The following SPDYE14 variants were observed in gnomAD, a reference collection of about 807,000 sequenced individuals.
SPDYE14 encodes the protein speedy protein E14.
chr7:75,251,475 A>G, the SPDYE14 span, among the ~76,000 whole-genome samples: 3 of 63,340 alleles, frequency 4.7e-5, no homozygotes, highest in African/African-American at 2.0e-4. Context: ...TAACTGATGC[A>G]GTTGGCATTC....
At chr7:75,257,373 T>A in the SPDYE14 span, among the ~76,000 whole-genome samples, 1 of 71,418 alleles carries the variant, frequency 1.4e-5, no homozygotes, top group Non-Finnish European at 3.0e-5. Context: ...CTGTACTCTT[T>A]CCTGACTTAT....
At chr7:75,241,696 T>TA in the SPDYE14 span, among the ~76,000 whole-genome samples, 159 of 12,284 alleles carry the variant, frequency 0.013, 1 homozygote, top group South Asian at 0.03. Context: ...TATATATATA[T>TA]TTTTTTTTTT....
At chr7:75,258,163 ATACTTT>A in the SPDYE14 span, among the ~76,000 whole-genome samples, 4 of 55,562 alleles carry the variant, frequency 7.2e-5, 1 homozygote, top group African/African-American at 1.8e-4. Flanking sequence ...CTTTTTTATT[ATACTTT>A]AAGTTGTAGG....
chr7:75,245,936 A>AT, the SPDYE14 span, among the ~76,000 whole-genome samples: 6 of 50,106 alleles, frequency 1.2e-4, 1 homozygote, highest in South Asian at 1.4e-3. Flanking sequence ...CGCCCAGCTA[A>AT]TTTTTTTTTA....
chr7:75,265,017 G>T, the SPDYE14 span, among the ~76,000 whole-genome samples: 1 of 57,726 alleles, frequency 1.7e-5, no homozygotes, highest in Non-Finnish European at 3.9e-5. Context: ...CATATTCTTT[G>T]CCTGTTTTTT....
the SPDYE14 span, chr7:75,237,790 TC>T: frequency 8.9e-6 from 1 of 111,824 alleles, no homozygotes; most frequent in South Asian, 3.1e-4. Context: ...CTGGGGGGGC[TC>T]CCCCGGTGCT....
At chr7:75,274,499 CTTT>C in the SPDYE14 span, among the ~76,000 whole-genome samples, 22 of 13,018 alleles carry the variant, frequency 1.7e-3, no homozygotes, top group Admixed American at 5.8e-3. Context: ...CTAGTCCTGG[CTTT>C]TTTTTTTTTT....
chr7:75,272,703 A>G, the SPDYE14 span, among the ~76,000 whole-genome samples: 1,225 of 57,004 alleles, frequency 0.021, 412 homozygotes, highest in African/African-American at 0.049. Context: ...CCTGGACCAC[A>G]TGGTGAAACC....
At chr7:75,271,213 T>TA in the SPDYE14 span, among the ~76,000 whole-genome samples, 3,070 of 7,986 alleles carry the variant, frequency 0.38, 1,002 homozygotes, top group Middle Eastern at 0.67. Flanking sequence ...ACTCCACCTC[T>TA]AAAAAAAAAA....
At chr7:75,273,749 A>C in the SPDYE14 span, among the ~76,000 whole-genome samples, 2 of 59,422 alleles carry the variant, frequency 3.4e-5, 1 homozygote, top group Non-Finnish European at 8.7e-5. Flanking sequence ...TTGCCTCCAA[A>C]TACCAACACA....
chr7:75,268,889 G>T, the SPDYE14 span, among the ~76,000 whole-genome samples: 3 of 26,928 alleles, frequency 1.1e-4, no homozygotes, highest in African/African-American at 2.3e-4. Context: ...GAGAGAGAGA[G>T]AGAGAAAGGA....
chr7:75,274,526 CAG>C, the SPDYE14 span, among the ~76,000 whole-genome samples: 1 of 98,622 alleles, frequency 1.0e-5, no homozygotes. Flanking sequence ...TTTTTTTTGA[CAG>C]AGAGTCTTGC....
the SPDYE14 span, among the ~76,000 whole-genome samples, chr7:75,262,203 C>T: frequency 5.5e-5 from 2 of 36,280 alleles, no homozygotes; most frequent in African/African-American, 1.1e-4. Context: ...GAGACTCCAT[C>T]TCAAAAACTA....
the SPDYE14 span, among the ~76,000 whole-genome samples, chr7:75,265,744 C>CA: frequency 0.017 from 20 of 1,196 alleles, 1 homozygote; most frequent in Non-Finnish European, 0.025. Flanking sequence ...ACTCCATCTC[C>CA]AAAAAAAAAA....
the SPDYE14 span, among the ~76,000 whole-genome samples, chr7:75,240,425 G>A: frequency 1.9e-5 from 1 of 51,572 alleles, no homozygotes; most frequent in African/African-American, 4.9e-5. Context: ...GTGAAACCCC[G>A]TCTCCACTGA....
chr7:75,278,552 C>G, the SPDYE14 span, among the ~76,000 whole-genome samples: 2 of 14,438 alleles, frequency 1.4e-4, no homozygotes, highest in African/African-American at 2.9e-4. Context: ...GCCTGGATGA[C>G]AGAGCGAGAC....
chr7:75,249,624 TCCTTCCTTCCTTCCTC>T, the SPDYE14 span, among the ~76,000 whole-genome samples: 2 of 59,236 alleles, frequency 3.4e-5, no homozygotes, highest in Admixed American at 1.7e-4. Flanking sequence ...CTTCCTTCCT[TCCTTCCTTCCTTCCTC>T]CCTCCCTCCC....
the SPDYE14 span, among the ~76,000 whole-genome samples, chr7:75,273,748 AATAC>A: frequency 3.4e-5 from 2 of 59,552 alleles, 1 homozygote; most frequent in Non-Finnish European, 8.7e-5. Flanking sequence ...CTTGCCTCCA[AATAC>A]CAACACATTG....
chr7:75,278,942 CAAAAAAA>C, the SPDYE14 span, among the ~76,000 whole-genome samples: 1 of 41,472 alleles, frequency 2.4e-5, no homozygotes, highest in Non-Finnish European at 4.9e-5. Flanking sequence ...ACTCTGTTTC[CAAAAAAA>C]AAAAAAAAAA....
Sources: allele counts gnomAD v4.1 joint callset (sites outside exome capture counted in the v4.1 genomes callset), GRCh38; gene constraint gnomAD v4.1.1; transcripts MANE v1.5; gene names NCBI Gene and HGNC (gene_info 2026-07-23, HGNC 2026-07-21).